Variants in EYS observed in about 807,000 individuals in gnomAD.
EYS encodes protein eyes shut homolog.
EYS carries 250 observed loss-of-function variants against 282.1 expected under a neutral mutation model. The ratio of observed to expected loss-of-function variants is 0.89; its 90% CI spans 0.80 to 0.98. The LOEUF (loss-of-function observed/expected upper bound fraction) is 0.98, where lower values mean the gene tolerates loss of function less well. EYS is among the 50% of genes least tolerant of loss of function. EYS has a pLI of 0.00. For missense variants in EYS, 4,016 were observed against 3,709.0 expected, an observed-to-expected ratio of 1.08 and a Z score of -2.15; for synonymous variants, 1,355 against 1,282.9, an observed-to-expected ratio of 1.06 and a Z score of -1.20.
intron 35 of EYS, 144 bp from the exon 36 acceptor site, chr6:63,864,502 T>TC: frequency 1.9e-6 from 1 of 537,018 alleles, no homozygotes; most frequent in Middle Eastern, 4.8e-4. Flanking sequence ...TCTCCCTCTT[T>TC]TCTGTTTCAA....
rs562177760 is a variant in EYS, at chr6:63,919,312, C to CTTTTTTT, written c.7056-54961_7056-54955dup. Among the ~76,000 whole-genome samples, 26 of 49,364 alleles carry CTTTTTTT rather than the reference C, an allele frequency of 5.3e-4. 1 individual carries two copies. The highest frequency in any genetic ancestry group is 1.3e-3 in the African/African-American group (15 of 11,624). 32.4% of individuals were successfully genotyped at this position (49,364 alleles called of 152,430 possible). On this transcript the variant is annotated intron_variant, in intron 35 of 42. Coordinates refer to ENST00000503581, the MANE Select transcript of EYS (RefSeq NM_001142800.2). Reference sequence around the variant, plus strand: ...AGAAGGAAGGGGAAAAGGGAACAGACTTTTTTTTTTTTTTTTTTTTTTTGT... The same window carrying CTTTTTTT: ...AGAAGGAAGGGGAAAAGGGAACAGACTTTTTTTTTTTTTTTTTTTTTTTTTTTTTTGT...
chr6:64,251,249 C>T (rs1193053873), intron 30 of EYS, among the ~76,000 whole-genome samples: 2 of 152,130 alleles, frequency 1.3e-5, no homozygotes, highest in African/African-American at 4.8e-5. Context: ...TATCTCAAGA[C>T]AGGTAGATTT....
chr6:65,564,889 G>A (rs1292798296), intron 2 of EYS, among the ~76,000 whole-genome samples: 3 of 151,084 alleles, frequency 2.0e-5, no homozygotes, highest in Non-Finnish European at 4.4e-5. Context: ...CTGACAAAGG[G>A]ATAATATCCA....
At chr6:64,381,434 G>A (rs1030179831) in intron 29 of EYS, among the ~76,000 whole-genome samples, 1 of 151,914 alleles carries the variant, frequency 6.6e-6, no homozygotes, top group Non-Finnish European at 1.5e-5. Flanking sequence ...CTCCTATTTG[G>A]GAAATTTATA....
At chr6:64,812,745 G>A (rs1009234789) in intron 22 of EYS, among the ~76,000 whole-genome samples, 28 of 150,590 alleles carry the variant, frequency 1.9e-4, no homozygotes, top group Non-Finnish European at 3.1e-4. Flanking sequence ...GGTCAAGTAT[G>A]TGTGTATATT....
intron 5 of EYS, among the ~76,000 whole-genome samples, chr6:65,409,072 T>C (rs1766872139): frequency 6.6e-6 from 1 of 152,206 alleles, no homozygotes; most frequent in Non-Finnish European, 1.5e-5. Context: ...GAGGAACATA[T>C]ATGATATGAT....
At chr6:64,111,318 C>T (rs111491665) in intron 31 of EYS, among the ~76,000 whole-genome samples, 6,416 of 151,898 alleles carry the variant, frequency 0.042, 400 homozygotes, top group African/African-American at 0.14. Flanking sequence ...TTCTAAAATA[C>T]AGAGAAGGTA....
chr6:64,150,369 A>G (rs1482661671), intron 31 of EYS, among the ~76,000 whole-genome samples: 1 of 152,208 alleles, frequency 6.6e-6, no homozygotes, highest in Non-Finnish European at 1.5e-5. Flanking sequence ...GAATCTCAAG[A>G]TTGCTGGGAT....
intron 33 of EYS, among the ~76,000 whole-genome samples, chr6:64,044,545 A>T (rs977039115): frequency 2.0e-5 from 3 of 152,194 alleles, no homozygotes; most frequent in Admixed American, 6.5e-5. Context: ...CTCAGCTTGA[A>T]TTTTAGCTGA....
At chr6:64,423,429 GT>G (rs1774299617) in intron 28 of EYS, among the ~76,000 whole-genome samples, 2 of 152,130 alleles carry the variant, frequency 1.3e-5, no homozygotes, top group Admixed American at 1.3e-4. Context: ...TATACACAAT[GT>G]TTCTAATTAG....
At position 65,676,453 on chromosome 6, in the gene EYS, C is replaced by T. The variant is rs2130489; in HGVS notation, c.-448+30682G>A. ...AATTATACGTCTACAAATTGAATAA[C>T]GTCAAAGAAATGGATCAATTCCCAG... On this transcript the variant is annotated intron_variant, in intron 1 of 42. Transcript: ENST00000503581. 5.8e-3 allele frequency among the ~76,000 whole-genome samples: 873 copies of T among 151,632 alleles called. 8 individuals are homozygous for T. Among genetic ancestry groups the T allele is most frequent in the African/African-American group, 0.02 (836 of 41,432 alleles).
intron 31 of EYS, among the ~76,000 whole-genome samples, chr6:64,096,373 C>G (rs1341286295): frequency 6.6e-6 from 1 of 152,224 alleles, no homozygotes; most frequent in Non-Finnish European, 1.5e-5. Context: ...TTCTCCCTAT[C>G]ACTTTCAGGT....
intron 26 of EYS, among the ~76,000 whole-genome samples, chr6:64,464,887 T>G (rs562502582): frequency 1.1e-4 from 17 of 152,098 alleles, no homozygotes; most frequent in Admixed American, 5.9e-4. Flanking sequence ...TAAAAATGTT[T>G]TATTAAATCT....
At chr6:65,279,690 C>T (rs965632150) in intron 12 of EYS, among the ~76,000 whole-genome samples, 1 of 152,074 alleles carries the variant, frequency 6.6e-6, no homozygotes, top group African/African-American at 2.4e-5. Context: ...ATTTTAAGTA[C>T]TCATCAAGCA....
At chr6:65,600,433 C>A (rs1427675540) in intron 2 of EYS, among the ~76,000 whole-genome samples, 1 of 151,886 alleles carries the variant, frequency 6.6e-6, no homozygotes, top group Non-Finnish European at 1.5e-5. Flanking sequence ...AAGGATGGCT[C>A]TTATATTCTT....
In EYS at chr6:65,375,827, A is replaced by G. The variant is rs149704252; in HGVS notation, c.1299+8559T>C. On this transcript the variant is annotated intron_variant, in intron 8 of 42. Transcript: ENST00000503581. ...AATAAAGCGTGAAGACAAGATTACAACAAACAGAATGAAAAAGAACGAACA... is the reference window on the plus strand; with the variant it reads ...AATAAAGCGTGAAGACAAGATTACAGCAAACAGAATGAAAAAGAACGAACA... Among the ~76,000 whole-genome samples the G allele has an allele frequency of 4.4e-3, 662 of 152,124 alleles. 5 individuals are homozygous for G. Among genetic ancestry groups the G allele is most frequent in the African/African-American group, 0.015 (608 of 41,542 alleles).
intron 22 of EYS, among the ~76,000 whole-genome samples, chr6:64,700,899 C>G (rs1006653582): frequency 6.6e-5 from 10 of 151,994 alleles, no homozygotes; most frequent in African/African-American, 2.4e-4. Context: ...CAAAACAGAG[C>G]CCGAGTAAGC....
chr6:64,079,424 C>T (rs1771884393), intron 32 of EYS, among the ~76,000 whole-genome samples: 1 of 151,944 alleles, frequency 6.6e-6, no homozygotes. Context: ...GCATTTTACT[C>T]GTAGTCAAAT....
At chr6:64,610,972 CT>C (rs1015250251) in intron 24 of EYS, among the ~76,000 whole-genome samples, 19 of 152,134 alleles carry the variant, frequency 1.2e-4, no homozygotes, top group African/African-American at 3.1e-4. Context: ...ATCCCTCCAT[CT>C]TTTTCCCCCC....
Sources: gnomAD v4.1 joint callset for allele counts (sites outside exome capture counted in the v4.1 genomes callset) on GRCh38, gnomAD v4.1.1 for gene constraint, MANE v1.5 for transcripts, NCBI Gene and HGNC (gene_info 2026-07-23, HGNC 2026-07-21) for gene names.